Variants in VAV3 observed in about 807,000 individuals in gnomAD.
VAV3 encodes the protein guanine nucleotide exchange factor VAV3.
A neutral mutation model predicts 131.2 loss-of-function variants in VAV3; 94 were observed. That is an observed-to-expected ratio of 0.72 (90% CI 0.61 to 0.85). The LOEUF is 0.85. Among genes scored for constraint, VAV3 ranks in the 40% least tolerant of loss-of-function variants. The probability of loss-of-function intolerance (pLI) is 0.00; values close to 1 mark genes in which losing one functional copy is unlikely to be tolerated. For missense variants in VAV3, 939 were observed against 1,002.7 expected, an observed-to-expected ratio of 0.94 and a Z score of 0.86; for synonymous variants, 349 against 342.0, an observed-to-expected ratio of 1.02 and a Z score of -0.22.
chr1:107,957,000 T>C (rs766022531), intron 1 of VAV3, among the ~76,000 whole-genome samples: 1 of 152,158 alleles, frequency 6.6e-6, no homozygotes, highest in Non-Finnish European at 1.5e-5. Flanking sequence ...CAAAGGATTG[T>C]TGGGTTTTAG....
intron 2 of VAV3, among the ~76,000 whole-genome samples, chr1:107,846,484 A>C (rs1557879452): frequency 6.6e-6 from 1 of 152,222 alleles, no homozygotes; most frequent in Non-Finnish European, 1.5e-5. Context: ...TTGGATAAAG[A>C]GTCAAGACCC....
intron 15 of VAV3, among the ~76,000 whole-genome samples, chr1:107,706,865 A>G (rs1660486023): frequency 6.6e-6 from 1 of 152,180 alleles, no homozygotes; most frequent in African/African-American, 2.4e-5. Flanking sequence ...ACTCATGTAA[A>G]TAAGTTCCAA....
chr1:107,845,030 G>T (rs923465696), intron 2 of VAV3, among the ~76,000 whole-genome samples: 1 of 152,162 alleles, frequency 6.6e-6, no homozygotes, highest in Non-Finnish European at 1.5e-5. Context: ...CCCAGCAGGG[G>T]TCGACAGACA....
intron 19 of VAV3, among the ~76,000 whole-genome samples, chr1:107,654,366 C>A (rs1243165142): frequency 1.3e-5 from 2 of 151,988 alleles, no homozygotes; most frequent in Middle Eastern, 3.4e-3. Flanking sequence ...ATCTCTACAA[C>A]CCTGGGATTA....
At chr1:107,650,687 C>A in intron 19 of VAV3, among the ~76,000 whole-genome samples, 1 of 148,752 alleles carries the variant, frequency 6.7e-6, no homozygotes, top group African/African-American at 2.5e-5. Flanking sequence ...TTAGGTATAT[C>A]TTCTAATGCT....
chr1:107,766,255 CTTCT>C (rs1664727372), intron 8 of VAV3, among the ~76,000 whole-genome samples, 188 bp downstream of exon 8: 2 of 152,110 alleles, frequency 1.3e-5, no homozygotes, highest in Admixed American at 6.5e-5. Flanking sequence ...CCTTCTTCTT[CTTCT>C]TTTTTTCTTT....
chr1:107,711,736 C>T (rs1256049855), intron 15 of VAV3, among the ~76,000 whole-genome samples: 1 of 152,028 alleles, frequency 6.6e-6, no homozygotes, highest in Admixed American at 6.5e-5. Flanking sequence ...CAGAGTCTTG[C>T]TCTGTCGCCC....
chr1:107,713,613 G>A (rs1335092683), intron 15 of VAV3, among the ~76,000 whole-genome samples: 6 of 152,062 alleles, frequency 3.9e-5, no homozygotes, highest in Admixed American at 6.6e-5. Context: ...ATCATTTCAC[G>A]TGTCAGACTG....
chr1:107,679,318 CA>C (rs1319299750), intron 19 of VAV3, among the ~76,000 whole-genome samples: 1 of 152,094 alleles, frequency 6.6e-6, no homozygotes, highest in Non-Finnish European at 1.5e-5. Flanking sequence ...CAAGAGTTGT[CA>C]GAAAGGACTC....
chr1:107,791,103 T>C (rs1428196036), intron 2 of VAV3, among the ~76,000 whole-genome samples: 1 of 152,104 alleles, frequency 6.6e-6, no homozygotes, highest in Non-Finnish European at 1.5e-5. Context: ...GTGGCAAAAA[T>C]GGACACCAAA....
chr1:107,730,025 A>C (rs1165325459), intron 15 of VAV3, among the ~76,000 whole-genome samples: 1 of 152,218 alleles, frequency 6.6e-6, no homozygotes, highest in Non-Finnish European at 1.5e-5. Context: ...CCAATGGAAT[A>C]GTCTGGCTAC....
intron 15 of VAV3, among the ~76,000 whole-genome samples, chr1:107,717,585 G>A (rs1335123994): frequency 1.3e-5 from 2 of 152,164 alleles, no homozygotes; most frequent in African/African-American, 4.8e-5. Flanking sequence ...TAATTTGATT[G>A]CACTGTGGTC....
At chr1:107,934,911 C>T (rs17020400) in intron 1 of VAV3, among the ~76,000 whole-genome samples, 4,504 of 152,306 alleles carry the variant, frequency 0.03, 102 homozygotes, top group East Asian at 0.1. Context: ...AATTCTTGCA[C>T]GACCAGGCTA....
intron 19 of VAV3, among the ~76,000 whole-genome samples, chr1:107,681,619 T>C (rs1658614724): frequency 6.6e-6 from 1 of 151,438 alleles, no homozygotes; most frequent in Admixed American, 6.6e-5. Flanking sequence ...AAAGGAAAAA[T>C]ACACTCATAT....
intron 1 of VAV3, among the ~76,000 whole-genome samples, chr1:107,897,806 A>G (rs1671671950): frequency 6.6e-6 from 1 of 152,152 alleles, no homozygotes; most frequent in Non-Finnish European, 1.5e-5. Flanking sequence ...TCCTTTATGA[A>G]ATGAAAGGGA....
At chr1:107,935,035 G>A (rs1488749433) in intron 1 of VAV3, among the ~76,000 whole-genome samples, 1 of 152,130 alleles carries the variant, frequency 6.6e-6, no homozygotes, top group African/African-American at 2.4e-5. Context: ...ACCTCCCACA[G>A]ATTACGCGAA....
At chr1:107,613,244 CT>C (rs1652891928) in intron 21 of VAV3, among the ~76,000 whole-genome samples, 1 of 152,062 alleles carries the variant, frequency 6.6e-6, no homozygotes, top group Non-Finnish European at 1.5e-5. Context: ...TTAATATATG[CT>C]TCTTGACTCT....
intron 2 of VAV3, among the ~76,000 whole-genome samples, chr1:107,803,038 A>G (rs12743942): frequency 0.15 from 22,358 of 151,640 alleles, 1,779 homozygotes; most frequent in African/African-American, 0.18. Flanking sequence ...GGTTTGCTGA[A>G]GTTTTCTATT....
intron 25 of VAV3, among the ~76,000 whole-genome samples, chr1:107,589,705 A>C (rs1049310167): frequency 6.6e-6 from 1 of 152,222 alleles, no homozygotes; most frequent in Non-Finnish European, 1.5e-5. Flanking sequence ...ACCGAGGAAA[A>C]GATGACAAAA....
Sources: allele counts gnomAD v4.1 joint callset (sites outside exome capture counted in the v4.1 genomes callset), GRCh38; gene constraint gnomAD v4.1.1; transcripts MANE v1.5; gene names NCBI Gene and HGNC (gene_info 2026-07-23, HGNC 2026-07-21).